Variants in UST observed in about 807,000 individuals in gnomAD.
The protein encoded by UST is uronyl 2-sulfotransferase.
A neutral mutation model predicts 45.6 loss-of-function variants in UST; 21 were observed. The observed-to-expected ratio is 0.46, with a 90% CI of 0.33 to 0.66. The LOEUF (loss-of-function observed/expected upper bound fraction) is 0.66, where lower values mean the gene tolerates loss of function less well. UST is among the 30% of genes least tolerant of loss of function. UST has a pLI of 0.02. For synonymous variants in UST, 215 were observed against 200.6 expected, an observed-to-expected ratio of 1.07 and a Z score of -0.61; for missense variants, 463 against 512.4, an observed-to-expected ratio of 0.90 and a Z score of 0.93.
Position 148,913,423 on chromosome 6 carries a change from CTTTTTTTT to C in UST, c.291+26412_291+26419del, listed in dbSNP as rs34110477. Among the ~76,000 whole-genome samples, 12 of 79,866 alleles carry C rather than the reference CTTTTTTTT, an allele frequency of 1.5e-4. No homozygotes were observed. The South Asian group carries it at 3.1e-3, about 21-fold the overall frequency. 52.4% of individuals were successfully genotyped at this position (79,866 alleles called of 152,430 possible). On this transcript the variant is annotated intron_variant, in intron 2 of 7. Coordinates refer to ENST00000367463, the MANE Select transcript of UST (RefSeq NM_005715.3). ...ACAGTCCGTATTTGGGACCAAAAAT[CTTTTTTTT>C]TTTTTTTTTTTTTTTTTGAGGATTG...
chr6:148,902,874 A>G (rs574188393), intron 2 of UST, among the ~76,000 whole-genome samples: 231 of 151,998 alleles, frequency 1.5e-3, no homozygotes, highest in African/African-American at 4.7e-3. Context: ...TGCTGTTCTC[A>G]TATGTTTCAT....
At chr6:148,822,022 C>T (rs903188904) in intron 1 of UST, among the ~76,000 whole-genome samples, 1 of 152,196 alleles carries the variant, frequency 6.6e-6, no homozygotes, top group African/African-American at 2.4e-5. Flanking sequence ...TTCAGACTCA[C>T]CTTTTATGTT....
Position 148,972,882 on chromosome 6 carries a change from AT to A in UST, c.681+8333del, listed in dbSNP as rs61252767. Among the ~76,000 whole-genome samples, 390 of 148,560 alleles carry A rather than the reference AT, an allele frequency of 2.6e-3. 1 individual carries two copies. The highest frequency in any genetic ancestry group is 0.01 in the Middle Eastern group (3 of 288). On this transcript the variant is annotated intron_variant, in intron 5 of 7. Transcript: ENST00000367463. ...TCTAGGGTGCAGCCTGGGCTTTGGGATTTTTTTTTTTTTTAAGCTTCAGAAG... is the reference window on the plus strand; with the variant it reads ...TCTAGGGTGCAGCCTGGGCTTTGGGATTTTTTTTTTTTTAAGCTTCAGAAG...
chr6:148,922,193 A>G (rs1220434570), intron 2 of UST, among the ~76,000 whole-genome samples: 1 of 152,162 alleles, frequency 6.6e-6, no homozygotes, highest in African/African-American at 2.4e-5. Flanking sequence ...TGTCCAATTC[A>G]AAGCATTTTT....
intron 1 of UST, among the ~76,000 whole-genome samples, chr6:148,874,936 G>A (rs1024372630): frequency 1.3e-5 from 2 of 152,348 alleles, no homozygotes; most frequent in East Asian, 1.9e-4. Context: ...TGACTCCTTC[G>A]TTAACAGTGT....
intron 7 of UST, among the ~76,000 whole-genome samples, chr6:149,071,397 T>A (rs1027446146): frequency 2.6e-5 from 4 of 152,172 alleles, no homozygotes; most frequent in Non-Finnish European, 4.4e-5. Context: ...TTGACAAAAA[T>A]TTTAGTCAAA....
chr6:148,921,770 G>A (rs558642532), intron 2 of UST, among the ~76,000 whole-genome samples: 27 of 152,240 alleles, frequency 1.8e-4, no homozygotes, highest in African/African-American at 6.0e-4. Context: ...GCATCCAGTC[G>A]CAGTCATGAA....
chr6:148,937,857 C>T (rs1194024937), intron 2 of UST, among the ~76,000 whole-genome samples: 3 of 152,170 alleles, frequency 2.0e-5, no homozygotes, highest in Admixed American at 1.3e-4. Context: ...GCAGCTCTGT[C>T]GTAGCCATAA....
chr6:148,884,003 C>G (rs758306293), intron 1 of UST, among the ~76,000 whole-genome samples: 1 of 151,986 alleles, frequency 6.6e-6, no homozygotes, highest in Non-Finnish European at 1.5e-5. Context: ...TGTGGTGGTG[C>G]ATGCCTGTAA....
chr6:148,957,368 T>G (rs138298006), intron 4 of UST, among the ~76,000 whole-genome samples: 2 of 152,350 alleles, frequency 1.3e-5, no homozygotes, highest in Non-Finnish European at 2.9e-5. Context: ...GGAGTAGCTT[T>G]ATCTAAGGAA....
At chr6:148,747,795 C>T (rs900099508) in intron 1 of UST, 118 bp downstream of exon 1, 19 of 1,315,300 alleles carry the variant, frequency 1.4e-5, no homozygotes, top group Middle Eastern at 2.7e-4. Context: ...CCCCGGGTCT[C>T]TCCAGGTGCT....
intron 7 of UST, among the ~76,000 whole-genome samples, chr6:149,063,014 T>G (rs1443130465): frequency 6.6e-6 from 1 of 152,236 alleles, no homozygotes; most frequent in African/African-American, 2.4e-5. Context: ...TGCCAGGTTT[T>G]ATTCTCTACC....
At chr6:148,821,881 G>C (rs1777472494) in intron 1 of UST, among the ~76,000 whole-genome samples, 1 of 152,132 alleles carries the variant, frequency 6.6e-6, no homozygotes, top group Non-Finnish European at 1.5e-5. Flanking sequence ...ATTACTATCA[G>C]CATTTATTTT....
intron 7 of UST, among the ~76,000 whole-genome samples, chr6:149,035,260 G>T (rs947820210): frequency 1.1e-4 from 17 of 151,810 alleles, no homozygotes; most frequent in Non-Finnish European, 1.9e-4. Context: ...TCTTGTTCTT[G>T]TTAGTGAATG....
chr6:148,890,480 T>C lies in UST; in HGVS notation c.291+3451T>C, dbSNP rs7746485. ...ATTTGCTTAGTGCTCAAAAAATAACTTTTTGATGCCAAGACTGAAAGAGTT... is the reference window on the plus strand; with the variant it reads ...ATTTGCTTAGTGCTCAAAAAATAACCTTTTGATGCCAAGACTGAAAGAGTT... On this transcript the variant is annotated intron_variant, in intron 2 of 7. Coordinates refer to ENST00000367463, the MANE Select transcript of UST (RefSeq NM_005715.3). Among the ~76,000 whole-genome samples, 481 of 152,314 alleles carry C rather than the reference T, an allele frequency of 3.2e-3. 5 individuals carry two copies. The highest frequency in any genetic ancestry group is 0.011 in the African/African-American group (458 of 41,564).
intron 1 of UST, among the ~76,000 whole-genome samples, chr6:148,813,834 A>G (rs1199708759): frequency 6.6e-6 from 1 of 152,220 alleles, no homozygotes; most frequent in African/African-American, 2.4e-5. Context: ...GCCATTCTAT[A>G]TCAGGCAATT....
At chr6:149,049,149 A>G (rs1446737643) in intron 7 of UST, among the ~76,000 whole-genome samples, 1 of 152,218 alleles carries the variant, frequency 6.6e-6, no homozygotes, top group African/African-American at 2.4e-5. Context: ...TAATGTTTAC[A>G]ATCTTTGACC....
chr6:149,001,183 T>C (rs1053694314), intron 5 of UST, among the ~76,000 whole-genome samples: 6 of 151,772 alleles, frequency 4.0e-5, no homozygotes, highest in African/African-American at 1.4e-4. Context: ...GCCATTCTCC[T>C]GCGTCAGCCT....
At chr6:148,863,334 G>A (rs1778356720) in intron 1 of UST, among the ~76,000 whole-genome samples, 1 of 152,142 alleles carries the variant, frequency 6.6e-6, no homozygotes, top group Admixed American at 6.5e-5. Flanking sequence ...TCATGCCATG[G>A]TTTTCAGCTC....
Sources: gnomAD v4.1 joint callset for allele counts (sites outside exome capture counted in the v4.1 genomes callset) on GRCh38, gnomAD v4.1.1 for gene constraint, MANE v1.5 for transcripts, NCBI Gene and HGNC (gene_info 2026-07-23, HGNC 2026-07-21) for gene names.